Variants in LCA5 observed in about 807,000 individuals in gnomAD.
LCA5 encodes the protein lebercilin.
A neutral mutation model predicts 53.0 loss-of-function variants in LCA5; 37 were observed. The observed-to-expected ratio is 0.70, with a 90% confidence interval of 0.54 to 0.92. The LOEUF is 0.92. LCA5 is among the 40% of genes least tolerant of loss of function. The pLI is 0.00. For synonymous variants in LCA5, 303 were observed against 282.9 expected, an observed-to-expected ratio of 1.07 and a Z score of -0.71; for missense variants, 806 against 790.5, an observed-to-expected ratio of 1.02 and a Z score of -0.23.
chr6:79,504,615 T>C (rs1025005866), intron 3 of LCA5, among the ~76,000 whole-genome samples: 3 of 152,218 alleles, frequency 2.0e-5, no homozygotes, highest in Non-Finnish European at 2.9e-5. Flanking sequence ...TCTGTTTACA[T>C]ATCCAGTTAG....
At chr6:79,489,315 T>G (rs1769772222) in intron 6 of LCA5, 99 bp from the exon 7 acceptor site, 3 of 1,200,148 alleles carry the variant, frequency 2.5e-6, no homozygotes, top group Admixed American at 2.0e-5. Flanking sequence ...CCAACTAAGT[T>G]AAAAATTAAT....
At chr6:79,521,138 G>T (rs918547587) in intron 1 of LCA5, among the ~76,000 whole-genome samples, 12 of 152,094 alleles carry the variant, frequency 7.9e-5, no homozygotes, top group African/African-American at 2.9e-4. Flanking sequence ...TGTGCTGGTA[G>T]TTAGCTTACT....
intron 1 of LCA5, among the ~76,000 whole-genome samples, chr6:79,522,255 G>T (rs1766646708): frequency 6.6e-6 from 1 of 151,984 alleles, no homozygotes; most frequent in Non-Finnish European, 1.5e-5. Flanking sequence ...TTAGACGAGT[G>T]ACATTTCACA....
chr6:79,487,300 T>A lies in LCA5; in HGVS notation c.1798A>T (p.Lys600Ter). ...AACTGTTCCATCAAATTAGCTTTTT[T>A]CTCTTTTCTTGTAATTAAATCTACA... ...DGVDLITRKE[K>*]KANLMEQLFG... The change falls in exon 8 of 8, where the codon AAA becomes TAA. Residue 600 changes from lysine (K) to a stop codon, truncating the protein, a stop_gained. Transcript: ENST00000369846. LOFTEE classifies it high-confidence loss of function. 1 of 1,614,018 alleles carries A rather than the reference T, an allele frequency of 6.2e-7. No homozygotes were observed. Among genetic ancestry groups the A allele is most frequent in the Non-Finnish European group, 8.5e-7 (1 of 1,179,928 alleles).
chr6:79,526,685 C>T (rs1413281255), intron 1 of LCA5, among the ~76,000 whole-genome samples: 1 of 152,174 alleles, frequency 6.6e-6, no homozygotes, highest in Non-Finnish European at 1.5e-5. Flanking sequence ...GAATTATCCA[C>T]ACCCCTTGGC....
chr6:79,495,957 C>T (rs1470130050), intron 3 of LCA5, among the ~76,000 whole-genome samples: 1 of 151,994 alleles, frequency 6.6e-6, no homozygotes, highest in African/African-American at 2.4e-5. Flanking sequence ...TACCTCCAAA[C>T]ATCTGTATCT....
Position 79,487,330 on chromosome 6 carries a change from C to A in LCA5, c.1768G>T (p.Asp590Tyr), listed in dbSNP as rs774776470. Reference protein sequence around the residue: ...QRNSMEKLSKDGVDLITRKEK... With the variant: ...QRNSMEKLSKYGVDLITRKEK... ...TTTCTTGTAATTAAATCTACACCAT[C>A]TTTACTAAGTTTTTCCATACTGTTT... Residue 590 changes from aspartate to tyrosine, a missense_variant, in exon 8 of 8, where the codon GAT becomes TAT. Coordinates refer to ENST00000369846, the MANE Select transcript of LCA5 (RefSeq NM_001122769.3). 5 of 1,613,850 alleles carry A rather than the reference C, an allele frequency of 3.1e-6. No homozygotes were observed. Among genetic ancestry groups the A allele is most frequent in the Non-Finnish European group, 4.2e-6 (5 of 1,179,880 alleles).
intron 6 of LCA5, 144 bp downstream of exon 6, chr6:79,491,444 A>T: frequency 5.7e-5 from 41 of 719,236 alleles, no homozygotes; most frequent in Middle Eastern, 3.9e-4. Context: ...AATACACGAT[A>T]CCTCTTTCCC....
chr6:79,511,403 A>C (rs1197158819), intron 3 of LCA5, among the ~76,000 whole-genome samples: 1 of 152,196 alleles, frequency 6.6e-6, no homozygotes, highest in African/African-American at 2.4e-5. Context: ...TTTATATAAC[A>C]TTCTTGAAAT....
upstream of LCA5, among the ~76,000 whole-genome samples, chr6:79,538,481 G>A (rs559153752): frequency 3.3e-5 from 5 of 152,206 alleles, no homozygotes; most frequent in East Asian, 9.6e-4. Flanking sequence ...TTCTGTATGC[G>A]AAATACATCT....
intron 1 of LCA5, among the ~76,000 whole-genome samples, chr6:79,526,406 A>T (rs548252510): frequency 3.7e-4 from 56 of 152,092 alleles, no homozygotes; most frequent in Middle Eastern, 3.4e-3. Flanking sequence ...TAGCTGGGCG[A>T]GGTGGCGGGC....
chr6:79,491,892 T>C (rs533077454), intron 5 of LCA5, among the ~76,000 whole-genome samples, 162 bp from the exon 6 acceptor site: 1 of 152,186 alleles, frequency 6.6e-6, no homozygotes, highest in African/African-American at 2.4e-5. Flanking sequence ...TTCACCTATA[T>C]ATATTCACCA....
chr6:79,522,120 T>A (rs1046337560), intron 1 of LCA5, among the ~76,000 whole-genome samples: 2 of 152,200 alleles, frequency 1.3e-5, no homozygotes, highest in East Asian at 3.9e-4. Context: ...AAATCACACA[T>A]GCATCTTGCC....
At chr6:79,529,692 T>C (rs1431920459) in intron 1 of LCA5, among the ~76,000 whole-genome samples, 2 of 151,848 alleles carry the variant, frequency 1.3e-5, no homozygotes, top group Non-Finnish European at 2.9e-5. Context: ...TAGCAAAGAC[T>C]TGGAACCAAC....
chr6:79,491,799 C>T, intron 5 of LCA5, 69 bp from the exon 6 acceptor site: 1 of 1,340,694 alleles, frequency 7.5e-7, no homozygotes, highest in Admixed American at 1.7e-5. Context: ...ATTCAGCTGG[C>T]ATGTATATAT....
chr6:79,496,605 T>C (rs1769989829), intron 3 of LCA5, among the ~76,000 whole-genome samples: 1 of 152,198 alleles, frequency 6.6e-6, no homozygotes, highest in South Asian at 2.1e-4. Flanking sequence ...ACTCCACGTA[T>C]ATAAAATTCT....
intron 3 of LCA5, among the ~76,000 whole-genome samples, chr6:79,507,149 G>A (rs1770290977): frequency 6.6e-6 from 1 of 152,054 alleles, no homozygotes; most frequent in Admixed American, 6.6e-5. Context: ...ACAACATAAT[G>A]CAACAGATTG....
chr6:79,493,558 AT>A, intron 4 of LCA5, 54 bp downstream of exon 4: 1 of 1,481,990 alleles, frequency 6.7e-7, no homozygotes. Context: ...GTTTTAAAAT[AT>A]TTAATTTTCG....
Position 79,518,957 on chromosome 6 carries a change from G to A in LCA5, c.-63C>T, listed in dbSNP as rs1325125109. On this transcript the variant is annotated 5_prime_UTR_variant, in exon 2 of 8. Transcript: ENST00000369846. ...GATTATTTTCTCCAGAGGAGACTAT[G>A]ACAATACTGAAAAACATTTTCACAG... 1.1e-5 allele frequency: 16 copies of A among 1,399,756 alleles called. No individual in the cohort carries two copies. Among genetic ancestry groups the A allele is most frequent in the East Asian group, 2.3e-5 (1 of 43,876 alleles). The allele number at this position is 1,399,756 out of a possible 1,614,324, so 86.7% of individuals were successfully genotyped here. A position where few individuals can be genotyped will look rare whatever the true frequency, so the allele number is the denominator to read the frequency against.
Sources: allele counts gnomAD v4.1 joint callset (sites outside exome capture counted in the v4.1 genomes callset), GRCh38; gene constraint gnomAD v4.1.1; transcripts MANE v1.5; gene names NCBI Gene and HGNC (gene_info 2026-07-23, HGNC 2026-07-21).